Variants in SEPTIN11 observed in about 807,000 individuals in gnomAD.
SEPTIN11 encodes the protein septin 11, also known as septin-11.
A neutral mutation model predicts 51.4 loss-of-function variants in SEPTIN11; 25 were observed. The observed-to-expected ratio is 0.49, with a 90% CI of 0.35 to 0.68. The LOEUF is 0.68. Among genes scored for constraint, SEPTIN11 ranks in the 30% least tolerant of loss-of-function variants. SEPTIN11 has a pLI of 0.00. For missense variants in SEPTIN11, 381 were observed against 520.8 expected, an observed-to-expected ratio of 0.73 and a Z score of 2.61; for synonymous variants, 174 against 184.1, an observed-to-expected ratio of 0.95 and a Z score of 0.44.
Position 77,035,348 on chromosome 4 carries a change from T to G in SEPTIN11, c.*836T>G. The G allele has an allele frequency of 1.0e-6, 1 of 985,442 alleles. No individual in the cohort carries two copies. The highest frequency in any genetic ancestry group is 1.2e-6 in the Non-Finnish European group (1 of 829,932). The allele number at this position is 985,442 out of a possible 1,614,324, so 61.0% of individuals were successfully genotyped here. The stretch of plus-strand genomic sequence containing the variant: ...GCTTACCACTAACAGTAAGGAATCT[T>G]TCATAAACACACCTCAGTTTGTTCC... On this transcript the variant is annotated 3_prime_UTR_variant, in exon 10 of 10. Coordinates refer to ENST00000264893, the MANE Select transcript of SEPTIN11 (RefSeq NM_018243.4).
At position 77,026,041 on chromosome 4, in the gene SEPTIN11, C is replaced by T. The variant is rs1726114674; in HGVS notation, c.954-2588C>T. On this transcript the variant is annotated intron_variant, in intron 7 of 9. Transcript: ENST00000264893. ...ATTTTCCATCATGATCCAGCATACA[C>T]ATTTTGTGTAGTAATGCCTACTCTT... 2.6e-5 allele frequency among the ~76,000 whole-genome samples: 4 copies of T among 152,280 alleles called. 1 individual carries two copies. The South Asian group carries it at 8.3e-4, about 32-fold the overall frequency.
intron 1 of SEPTIN11, among the ~76,000 whole-genome samples, chr4:76,956,796 C>A (rs1379889368): frequency 1.3e-5 from 2 of 152,040 alleles, no homozygotes; most frequent in East Asian, 1.9e-4. Flanking sequence ...GAAGTAAATC[C>A]CCCTCTAGGG....
Position 77,037,901 on chromosome 4 carries a change from G to T in SEPTIN11, c.*3389G>T, listed in dbSNP as rs1578220843. On this transcript the variant is annotated 3_prime_UTR_variant, in exon 10 of 10. Transcript: ENST00000264893. ...TCCTTCTCTGCTTTGTGACTCACCA[G>T]CAGTAACACACACAATCCACATCTT... 1.0e-5 allele frequency: 10 copies of T among 985,886 alleles called. No individual in the cohort carries two copies. In the African/African-American group the frequency reaches 1.0e-4, roughly 10 times the overall value. 61.1% of individuals were successfully genotyped at this position (985,886 alleles called of 1,614,324 possible). A position where few individuals can be genotyped will look rare whatever the true frequency, so the allele number is the denominator to read the frequency against.
chr4:76,986,209 A>ACATGT (rs1260981734), intron 1 of SEPTIN11, among the ~76,000 whole-genome samples: 1 of 152,058 alleles, frequency 6.6e-6, no homozygotes, highest in Non-Finnish European at 1.5e-5. Context: ...GCATGCTAAT[A>ACATGT]CATGTTATTC....
chr4:76,987,246 G>A (rs1218062817), intron 1 of SEPTIN11, among the ~76,000 whole-genome samples: 1 of 152,074 alleles, frequency 6.6e-6, no homozygotes, highest in Non-Finnish European at 1.5e-5. Context: ...ATTACCATAT[G>A]GTTTTTCTCT....
chr4:76,993,792 T>G (rs1459262223), intron 1 of SEPTIN11, among the ~76,000 whole-genome samples: 1 of 152,232 alleles, frequency 6.6e-6, no homozygotes, highest in African/African-American at 2.4e-5. Context: ...ACTCTAAAGA[T>G]ACAACTTTAA....
At chr4:76,963,482 G>C (rs1721903337) in intron 1 of SEPTIN11, among the ~76,000 whole-genome samples, 1 of 152,162 alleles carries the variant, frequency 6.6e-6, no homozygotes, top group Non-Finnish European at 1.5e-5. Context: ...TCCGACTGTT[G>C]TTTACACCTT....
rs1163241191 is a variant in SEPTIN11 at position 77,024,214 on chromosome 4, G to A, written c.953+3544G>A. On this transcript the variant is annotated intron_variant, in intron 7 of 9. Transcript: ENST00000264893. The surrounding 1 kb of genome is among the most constrained non-coding windows in gnomAD (Gnocchi z 4.2). Reference sequence around the variant, plus strand: ...AGCACACCACGGCAGTAAAGCTAGCGGAGCCCGTCCCTGGGGTGCCTTTAA... The same window carrying A: ...AGCACACCACGGCAGTAAAGCTAGCAGAGCCCGTCCCTGGGGTGCCTTTAA... Among the ~76,000 whole-genome samples the A allele has an allele frequency of 1.3e-5, 2 of 152,164 alleles. No homozygotes were observed. Among genetic ancestry groups the A allele is most frequent in the African/African-American group, 2.4e-5 (1 of 41,436 alleles).
intron 1 of SEPTIN11, among the ~76,000 whole-genome samples, chr4:76,954,958 T>C (rs185332302): frequency 5.3e-4 from 75 of 141,888 alleles, no homozygotes; most frequent in Admixed American, 1.2e-3. Context: ...TGTCTGTGTG[T>C]GATTTCTTTT....
chr4:77,034,413 A>G (rs1726888444), intron 9 of SEPTIN11, 84 bp from the exon 10 acceptor site: 7 of 1,200,332 alleles, frequency 5.8e-6, no homozygotes, highest in African/African-American at 3.2e-5. Context: ...CCATCACTGA[A>G]TGCTGGTGCT....
At chr4:76,959,297 G>A (rs1721716521) in intron 1 of SEPTIN11, 1 of 155,648 alleles carries the variant, frequency 6.4e-6, no homozygotes, top group Non-Finnish European at 1.4e-5. Flanking sequence ...TATTTTTAAT[G>A]GATACAGAGT....
At chr4:76,983,347 G>C (rs1371350682) in intron 1 of SEPTIN11, among the ~76,000 whole-genome samples, 1 of 152,192 alleles carries the variant, frequency 6.6e-6, no homozygotes, top group African/African-American at 2.4e-5. Flanking sequence ...TTGGAGCTGA[G>C]TGCAGCCTCT....
At chr4:76,976,197 G>A (rs1497073) in intron 1 of SEPTIN11, among the ~76,000 whole-genome samples, 134,824 of 152,276 alleles carry the variant, frequency 0.89, 60,060 homozygotes, top group African/African-American at 0.97. Flanking sequence ...AGTAAATACT[G>A]TATTTTGTAT....
chr4:76,996,064 C>T (rs1166429954), intron 1 of SEPTIN11: 2 of 967,532 alleles, frequency 2.1e-6, no homozygotes, highest in Non-Finnish European at 3.0e-6. Context: ...AAATTGAAAG[C>T]TTTTCTTGAA....
At chr4:76,980,487 T>C (rs1722716043) in intron 1 of SEPTIN11, among the ~76,000 whole-genome samples, 1 of 152,190 alleles carries the variant, frequency 6.6e-6, no homozygotes, top group South Asian at 2.1e-4. Flanking sequence ...TGGCTGCAGC[T>C]GCCACATTGC....
chr4:77,034,023 T>A (rs896918991), intron 9 of SEPTIN11, among the ~76,000 whole-genome samples: 1 of 152,252 alleles, frequency 6.6e-6, no homozygotes, highest in Non-Finnish European at 1.5e-5. Flanking sequence ...ATTCACTATG[T>A]AATTTCAATC....
intron 5 of SEPTIN11, among the ~76,000 whole-genome samples, chr4:77,016,150 A>G (rs900674372): frequency 3.3e-5 from 5 of 152,028 alleles, no homozygotes; most frequent in African/African-American, 1.2e-4. Context: ...AGCACCTGAC[A>G]TTTTTCACAT....
At chr4:77,026,768 G>A (rs1407015887) in intron 7 of SEPTIN11, among the ~76,000 whole-genome samples, 3 of 152,170 alleles carry the variant, frequency 2.0e-5, no homozygotes, top group African/African-American at 7.2e-5. Flanking sequence ...AATTTCATAA[G>A]AGGGACGAGT....
At position 77,036,172 on chromosome 4, in the gene SEPTIN11, T is replaced by C. The variant is rs1381655549; in HGVS notation, c.*1660T>C. 1 of 987,224 alleles carries C rather than the reference T, an allele frequency of 1.0e-6. No homozygotes were observed. The highest frequency in any genetic ancestry group is 1.2e-6 in the Non-Finnish European group (1 of 831,128). 61.2% of individuals were successfully genotyped at this position (987,224 alleles called of 1,614,324 possible). A position where few individuals can be genotyped will look rare whatever the true frequency, so the allele number is the denominator to read the frequency against. ...AAGCAAAGTAAGGAAATTAGTTTCA[T>C]GGAAGCCTAAACAAAGCTGGAATAG... On this transcript the variant is annotated 3_prime_UTR_variant, in exon 10 of 10. Transcript: ENST00000264893.
Sources: gnomAD v4.1 joint callset for allele counts (sites outside exome capture counted in the v4.1 genomes callset) on GRCh38, gnomAD v4.1.1 for gene constraint, Gnocchi (gnomAD v3.1) non-coding constraint, MANE v1.5 for transcripts, NCBI Gene and HGNC (gene_info 2026-07-23, HGNC 2026-07-21) for gene names.